SLC9C2: variants seen among roughly 807,000 people sequenced by gnomAD.
The protein encoded by SLC9C2 is sodium/hydrogen exchanger 11.
Under a neutral mutation model 140.2 loss-of-function variants are expected in SLC9C2, and 75 were observed. The observed-to-expected ratio is 0.53, with a 90% confidence interval of 0.44 to 0.65. The LOEUF is 0.65. Ranked by LOEUF, SLC9C2 falls within the 30% of genes least tolerant of loss-of-function variation. SLC9C2 has a pLI of 0.00. For synonymous variants in SLC9C2, 375 were observed against 420.9 expected, an observed-to-expected ratio of 0.89 and a Z score of 1.34; for missense variants, 1,074 against 1,331.8, an observed-to-expected ratio of 0.81 and a Z score of 3.01.
chr1:173,575,013 G>C (rs1665084691), intron 8 of SLC9C2, among the ~76,000 whole-genome samples: 1 of 152,042 alleles, frequency 6.6e-6, no homozygotes, highest in African/African-American at 2.4e-5. Flanking sequence ...CCAGCTACTT[G>C]AGAGGCTGAG....
intron 22 of SLC9C2, among the ~76,000 whole-genome samples, chr1:173,519,116 A>T (rs1660624919): frequency 1.3e-5 from 2 of 152,094 alleles, no homozygotes; most frequent in East Asian, 1.9e-4. Flanking sequence ...ACAGACGGGA[A>T]TATTGCGGGG....
chr1:173,555,999 G>A (rs1663670457), intron 10 of SLC9C2, among the ~76,000 whole-genome samples: 1 of 152,190 alleles, frequency 6.6e-6, no homozygotes, highest in Non-Finnish European at 1.5e-5. Context: ...CTTCGGGGCA[G>A]CAGCAAAATA....
chr1:173,573,889 AC>A (rs1558080327), intron 8 of SLC9C2, among the ~76,000 whole-genome samples: 1 of 152,230 alleles, frequency 6.6e-6, no homozygotes, highest in Admixed American at 6.5e-5. Context: ...CATCTTAAGC[AC>A]CCTAGGTGGA....
intron 13 of SLC9C2, among the ~76,000 whole-genome samples, chr1:173,540,271 T>C (rs1241057419): frequency 2.6e-5 from 4 of 152,132 alleles, no homozygotes; most frequent in Non-Finnish European, 5.9e-5. Flanking sequence ...ATCTAGGAAA[T>C]GACCACAGGC....
chr1:173,579,058 T>C (rs1056429462), intron 7 of SLC9C2, among the ~76,000 whole-genome samples: 1 of 152,222 alleles, frequency 6.6e-6, no homozygotes, highest in African/African-American at 2.4e-5. Context: ...AATCAGTATA[T>C]ATAGCACACA....
intron 7 of SLC9C2, among the ~76,000 whole-genome samples, chr1:173,581,589 T>C (rs1665534016): frequency 6.6e-6 from 1 of 152,048 alleles, no homozygotes; most frequent in South Asian, 2.1e-4. Context: ...AGTGACTATA[T>C]ACAAAGTCAA....
At chr1:173,504,107 G>A (rs984062728) in intron 26 of SLC9C2, among the ~76,000 whole-genome samples, 8 of 152,128 alleles carry the variant, frequency 5.3e-5, no homozygotes, top group South Asian at 4.1e-4. Flanking sequence ...GCAGCAGAGC[G>A]GCAGACCTTC....
At position 173,506,842 on chromosome 1, in the gene SLC9C2, A is replaced by C; in HGVS notation, c.3225+14T>G. ...GTGAAGAGCAAGAGACTCTTTAGAA[A>C]TGATATTTCTTACCTGCTCACAGGT... On this transcript the variant is annotated intron_variant, in intron 25 of 27. Transcript: ENST00000367714. 6.2e-7 allele frequency: 1 copy of C among 1,603,876 alleles called. No individual in the cohort carries two copies. The highest frequency in any genetic ancestry group is 8.5e-7 in the Non-Finnish European group (1 of 1,175,708).
At chr1:173,507,872 G>T (rs1256560866) in intron 24 of SLC9C2, among the ~76,000 whole-genome samples, 1 of 152,056 alleles carries the variant, frequency 6.6e-6, no homozygotes, top group Non-Finnish European at 1.5e-5. Context: ...TGCATTTCTG[G>T]TTTTTTTACG....
intron 11 of SLC9C2, among the ~76,000 whole-genome samples, chr1:173,548,943 T>C (rs1663061816): frequency 6.6e-6 from 1 of 152,136 alleles, no homozygotes; most frequent in African/African-American, 2.4e-5. Context: ...GCTTGAAAAT[T>C]TGCATTTTAA....
intron 9 of SLC9C2, among the ~76,000 whole-genome samples, chr1:173,563,950 G>A (rs897255948): frequency 2.0e-5 from 3 of 151,962 alleles, no homozygotes; most frequent in African/African-American, 7.2e-5. Context: ...GTGAAAACAT[G>A]TGAAATTTGT....
At position 173,570,969 on chromosome 1, in the gene SLC9C2, C is replaced by T. The variant is rs563156342; in HGVS notation, c.1046+2213G>A. Among the ~76,000 whole-genome samples, 13 of 152,252 alleles carry T rather than the reference C, an allele frequency of 8.5e-5. 1 individual carries two copies. In the South Asian group the frequency reaches 2.3e-3, roughly 27 times the overall value. ...GTTTTTCCTACCCTCTTTAGTGCCT[C>T]TTTCTGCAATATGAATTTTAAAGTA... On this transcript the variant is annotated intron_variant, in intron 9 of 27. Coordinates refer to ENST00000367714, the MANE Select transcript of SLC9C2 (RefSeq NM_178527.4).
At chr1:173,573,440 G>T in intron 8 of SLC9C2, 115 bp from the exon 9 acceptor site, 1 of 727,400 alleles carries the variant, frequency 1.4e-6, no homozygotes, top group Non-Finnish European at 2.1e-6. Context: ...AGAGGCCCTT[G>T]CCTTCATCTC....
At chr1:173,541,188 A>G (rs1337620259) in intron 13 of SLC9C2, among the ~76,000 whole-genome samples, 11 of 152,164 alleles carry the variant, frequency 7.2e-5, no homozygotes, top group Non-Finnish European at 1.5e-4. Flanking sequence ...AAAGCAAAAA[A>G]AAAAAGCAGG....
chr1:173,533,270 AT>A (rs1357417058), intron 17 of SLC9C2, among the ~76,000 whole-genome samples: 15 of 152,070 alleles, frequency 9.9e-5, no homozygotes, highest in Admixed American at 1.3e-4. Flanking sequence ...TATTATTATT[AT>A]TTTTTGAGAC....
Position 173,537,040 on chromosome 1 carries a change from C to G in SLC9C2, c.1558-1G>C, listed in dbSNP as rs1293748379. On this transcript the variant is annotated splice_acceptor_variant, in intron 13 of 27. Coordinates refer to ENST00000367714, the MANE Select transcript of SLC9C2 (RefSeq NM_178527.4). LOFTEE classifies it high-confidence loss of function. Reference sequence around the variant, plus strand: ...TGTTACGCTGTTTTTCAAAGCTACTCTAAACATACATTAAATGAAGATTAC... The same window carrying G: ...TGTTACGCTGTTTTTCAAAGCTACTGTAAACATACATTAAATGAAGATTAC... 6.2e-7 allele frequency: 1 copy of G among 1,608,052 alleles called. No homozygotes were observed. Among genetic ancestry groups the G allele is most frequent in the Non-Finnish European group, 8.5e-7 (1 of 1,175,128 alleles).
intron 5 of SLC9C2, among the ~76,000 whole-genome samples, chr1:173,584,113 C>A (rs1282675134): frequency 6.6e-6 from 1 of 152,090 alleles, no homozygotes; most frequent in African/African-American, 2.4e-5. Flanking sequence ...TGTCTATCAG[C>A]TGATAAATGA....
intron 9 of SLC9C2, among the ~76,000 whole-genome samples, chr1:173,562,204 C>T (rs1278327336): frequency 6.6e-6 from 1 of 152,124 alleles, no homozygotes; most frequent in African/African-American, 2.4e-5. Context: ...TTGACTGCAA[C>T]ATCAAAAAGG....
In SLC9C2 at chr1:173,557,385, A is replaced by T. The variant is rs143938528; in HGVS notation, c.1170T>A (p.Pro390=). The change falls in exon 10 of 28, where the codon CCT becomes CCA. Residue 390 remains proline (P), a synonymous_variant. Transcript: ENST00000367714. ...IKGVFNLLWA[P]DVYNLAERKV... ...TTCGTTCAGCGAGATTATAAACATC[A>T]GGAGCCCAGAGTAAATTAAAAACTC... The T allele has an allele frequency of 2.3e-5, 37 of 1,613,840 alleles. No homozygotes were observed. Among genetic ancestry groups the T allele is most frequent in the African/African-American group, 1.3e-5 (1 of 74,912 alleles).
Sources: gnomAD v4.1 joint callset for allele counts (sites outside exome capture counted in the v4.1 genomes callset) on GRCh38, gnomAD v4.1.1 for gene constraint, MANE v1.5 for transcripts, NCBI Gene and HGNC (gene_info 2026-07-23, HGNC 2026-07-21) for gene names.